The following ATRX variants were observed in gnomAD, a reference collection of about 807,000 sequenced individuals.
The protein encoded by ATRX is chromatin remodeler ATRX.
A neutral mutation model predicts 172.6 loss-of-function variants in ATRX; 12 were observed. The observed-to-expected ratio is 0.07, with a 90% confidence interval of 0.04 to 0.11. The LOEUF (loss-of-function observed/expected upper bound fraction) is 0.11. ATRX is among the 10% of genes least tolerant of loss of function. The pLI, the probability that ATRX is intolerant of heterozygous loss-of-function variation, is 1.00. For missense variants in ATRX, 1,368 were observed against 1,767.4 expected (o/e 0.77, Z 4.05); for synonymous variants, 674 against 594.7 (o/e 1.13, Z -1.94).
rs781878583 is a variant in ATRX, at chrX:77,616,655, T to C, written c.5524A>G (p.Ile1842Val). The change falls in exon 22 of 35, where the codon ATT (isoleucine) becomes GTT (valine). Residue 1842 changes from isoleucine to valine, a missense_variant. By Grantham distance (29) the Ile-to-Val change is conservative. Coordinates refer to ENST00000373344, the MANE Select transcript of ATRX (RefSeq NM_000489.6). ...TAGTACTGATAGAGCTTGCACTGAA[T>C]AGAAGTCATTCTCACAGCTAACACA... ...EYVLAVRMTS[I>V]QCKLYQYYLD... 2 of 1,206,078 alleles carry C rather than the reference T, an allele frequency of 1.7e-6. No individual in the cohort carries two copies. The highest frequency in any genetic ancestry group is 2.2e-6 in the Non-Finnish European group (2 of 890,507).
At chrX:77,514,870 A>G (rs903359351) in intron 34 of ATRX, among the ~76,000 whole-genome samples, 3 of 112,474 alleles carry the variant, frequency 2.7e-5, no homozygotes, top group Admixed American at 9.4e-5. Flanking sequence ...CTATCCATCT[A>G]GCAACTAATA....
chrX:77,603,374 T>G (rs1315309470), intron 22 of ATRX, among the ~76,000 whole-genome samples: 2 of 109,957 alleles, frequency 1.8e-5, no homozygotes, highest in Non-Finnish European at 3.8e-5. Flanking sequence ...TAATTCTTTT[T>G]TTTTTTCCTA....
At position 77,593,840 on chromosome X, in the gene ATRX, G is replaced by C. The variant is rs1557082422; in HGVS notation, c.5966C>G (p.Thr1989Ser). Reference protein sequence around the residue: ...VSLKLEESKATSSSNPSSPAP... With the variant: ...VSLKLEESKASSSSNPSSPAP... ...TGGGCTGCTTGGATTAGAAGAAGAA[G>C]TAGCTTTACCTAAATAAGACAAATG... The change falls in exon 26 of 35, where the codon ACT (threonine) becomes AGT (serine). Residue 1989 changes from threonine (T) to serine (S), a missense_variant. This residue lies in a region of ATRX where 45 missense variants were observed against 120.2 expected (regional missense o/e 0.37). Coordinates refer to ENST00000373344, the MANE Select transcript of ATRX (RefSeq NM_000489.6). The C allele has an allele frequency of 8.3e-7, 1 of 1,207,599 alleles. No homozygotes were observed. The highest frequency in any genetic ancestry group is 2.2e-5 in the Admixed American group (1 of 45,898).
chrX:77,602,219 G>C (rs1336398493), intron 22 of ATRX, among the ~76,000 whole-genome samples: 2 of 111,093 alleles, frequency 1.8e-5, no homozygotes, highest in Non-Finnish European at 3.8e-5. Context: ...TTGTTGACCA[G>C]GCTGTTCTTA....
At chrX:77,779,840 C>A (rs1557204715) in intron 1 of ATRX, among the ~76,000 whole-genome samples, 1 of 111,985 alleles carries the variant, frequency 8.9e-6, no homozygotes, top group Admixed American at 9.6e-5. Flanking sequence ...GGACAGTTAA[C>A]AAGAGTGCTG....
intron 26 of ATRX, 42 bp downstream of exon 26, chrX:77,593,654 T>C (rs201888682): frequency 3.5e-5 from 40 of 1,139,338 alleles, no homozygotes; most frequent in Non-Finnish European, 4.2e-5. Flanking sequence ...AAAAACATAA[T>C]CAAAAGGTTA....
chrX:77,739,574 A>T (rs947466664), intron 1 of ATRX, among the ~76,000 whole-genome samples: 35 of 110,794 alleles, frequency 3.2e-4, no homozygotes, highest in African/African-American at 1.1e-3. Flanking sequence ...TAGGGTGCTA[A>T]TAATAAGAAA....
chrX:77,625,055 A>C lies in ATRX; in HGVS notation c.5135-4523T>G, dbSNP rs781902978. ...TGGTATAAAAATAAGCACACAGACC[A>C]ATGGAACAGAATAGAGGACTCAGAA... On this transcript the variant is annotated intron_variant, in intron 19 of 34. Coordinates refer to ENST00000373344, the MANE Select transcript of ATRX (RefSeq NM_000489.6). 2.7e-5 allele frequency among the ~76,000 whole-genome samples: 3 copies of C among 112,192 alleles called. No homozygotes were observed. The East Asian group carries it at 8.3e-4, about 31-fold the overall frequency.
chrX:77,718,357 T>C (rs2073555017), intron 1 of ATRX, among the ~76,000 whole-genome samples: 1 of 106,206 alleles, frequency 9.4e-6, no homozygotes, highest in African/African-American at 3.4e-5. Context: ...CTAAGTTTTA[T>C]AGCATCAACT....
intron 27 of ATRX, among the ~76,000 whole-genome samples, chrX:77,583,308 G>A (rs2148057041): frequency 9.0e-6 from 1 of 111,381 alleles, no homozygotes; most frequent in East Asian, 2.8e-4. Context: ...TGGACCGCTC[G>A]AGGTCAGGAG....
chrX:77,665,523 A>G (rs1348683409), intron 10 of ATRX, among the ~76,000 whole-genome samples: 6 of 111,841 alleles, frequency 5.4e-5, no homozygotes, highest in Non-Finnish European at 1.1e-4. Flanking sequence ...GATGCTCCTC[A>G]AAGACCAATT....
chrX:77,651,297 A>T (rs889813170), intron 15 of ATRX, among the ~76,000 whole-genome samples: 6 of 107,709 alleles, frequency 5.6e-5, no homozygotes, highest in Admixed American at 4.0e-4. Context: ...CTGAGTTAAT[A>T]GATCCAGGGA....
intron 21 of ATRX, among the ~76,000 whole-genome samples, chrX:77,618,109 T>C (rs45514003): frequency 9.0e-6 from 1 of 111,401 alleles, no homozygotes; most frequent in Non-Finnish European, 1.9e-5. Context: ...GTTGAATCCA[T>C]GGATGCAGAA....
intron 1 of ATRX, among the ~76,000 whole-genome samples, chrX:77,735,153 T>C (rs1164444374): frequency 9.0e-6 from 1 of 111,402 alleles, no homozygotes; most frequent in East Asian, 2.8e-4. Context: ...TGGATATCCA[T>C]ATACAGAAGA....
chrX:77,627,232 C>T (rs1309217693), intron 19 of ATRX, among the ~76,000 whole-genome samples: 3 of 95,683 alleles, frequency 3.1e-5, no homozygotes, highest in Non-Finnish European at 4.2e-5. Flanking sequence ...GACTCCGTCT[C>T]AAAAAAAAAA....
intron 25 of ATRX, 97 bp downstream of exon 25, chrX:77,599,314 G>T: frequency 1.1e-6 from 1 of 943,095 alleles, no homozygotes; most frequent in Non-Finnish European, 1.5e-6. Flanking sequence ...AGATTCCTTT[G>T]AGTCAATTAG....
At position 77,752,599 on chromosome X, in the gene ATRX, T is replaced by C. The variant is rs1270200887; in HGVS notation, c.20+33383A>G. Among the ~76,000 whole-genome samples the C allele has an allele frequency of 5.3e-5, 6 of 112,175 alleles. No individual in the cohort carries two copies. The Admixed American group carries it at 5.7e-4, about 11-fold the overall frequency. The stretch of plus-strand genomic sequence containing the variant: ...TGCCCATTCAGTATGATACTGGCTA[T>C]GGGTTGTCATAAATAGCTCTTATTA... On this transcript the variant is annotated intron_variant, in intron 1 of 34. Transcript: ENST00000373344.
At chrX:77,510,050 G>A (rs992708376) in intron 34 of ATRX, among the ~76,000 whole-genome samples, 2 of 111,246 alleles carry the variant, frequency 1.8e-5, no homozygotes, top group African/African-American at 6.6e-5. Flanking sequence ...GGTGAGGAGA[G>A]GAGAGGGAAG....
chrX:77,637,154 T>C (rs1203502932), intron 15 of ATRX, among the ~76,000 whole-genome samples: 2 of 111,837 alleles, frequency 1.8e-5, no homozygotes, highest in African/African-American at 3.2e-5. Context: ...TGAAAAACAC[T>C]GTAAATACAT....
Sources: allele counts gnomAD v4.1 joint callset (sites outside exome capture counted in the v4.1 genomes callset), GRCh38; gene constraint gnomAD v4.1.1; regional missense constraint gnomAD v4.1.1; transcripts MANE v1.5; gene names NCBI Gene and HGNC (gene_info 2026-07-23, HGNC 2026-07-21).